SNX25: variants seen among roughly 807,000 people sequenced by gnomAD.
SNX25 encodes sorting nexin 25.
Under a neutral mutation model 113.7 loss-of-function variants are expected in SNX25, and 62 were observed. That is an observed-to-expected ratio of 0.55 (90% CI 0.44 to 0.67). SNX25 has a LOEUF of 0.67. Among genes scored for constraint, SNX25 ranks in the 30% least tolerant of loss-of-function variants. SNX25 has a pLI of 0.00. For missense variants in SNX25, 1,014 were observed against 1,161.0 expected (o/e 0.87, Z 1.84); for synonymous variants, 421 against 436.2 (o/e 0.97, Z 0.43).
At chr4:185,226,458 GTTGT>G (rs202152770) in intron 1 of SNX25, among the ~76,000 whole-genome samples, 1,952 of 152,264 alleles carry the variant, frequency 0.013, 27 homozygotes, top group Middle Eastern at 0.031. Context: ...ATTTTTTGTT[GTTGT>G]TTGTTTGAGA....
At chr4:185,328,974 AAAGGGGTTTCCAAGG>A (rs776477516) in intron 9 of SNX25, among the ~76,000 whole-genome samples, 1 of 152,118 alleles carries the variant, frequency 6.6e-6, no homozygotes, top group African/African-American at 2.4e-5. Flanking sequence ...TGCAGGCTCA[AAAGGGGTTTCCAAGG>A]AAGGGGTTTC....
intron 2 of SNX25, among the ~76,000 whole-genome samples, chr4:185,256,488 AATACC>A (rs1746445750): frequency 6.6e-6 from 1 of 152,162 alleles, no homozygotes; most frequent in South Asian, 2.1e-4. Context: ...ATAGAATATT[AATACC>A]AAAATTGTGC....
In SNX25 at chr4:185,232,516, A is replaced by G. The variant is rs2126414779; in HGVS notation, c.430-14778A>G. Among the ~76,000 whole-genome samples, 1 of 152,270 alleles carries G rather than the reference A, an allele frequency of 6.6e-6. No individual in the cohort carries two copies. ...CCACAGGCCGGATACCAGTACTTAGATTTATCATGCTTCAAAAATGGACCA... is the reference window on the plus strand; with the variant it reads ...CCACAGGCCGGATACCAGTACTTAGGTTTATCATGCTTCAAAAATGGACCA... On this transcript the variant is annotated intron_variant, in intron 1 of 18. Transcript: ENST00000652585. This position sits in a 1 kb window ranked among gnomAD's most constrained non-coding sequence, Gnocchi z 4.4.
At chr4:185,262,805 A>G (rs1315310456) in intron 3 of SNX25, among the ~76,000 whole-genome samples, 1 of 152,198 alleles carries the variant, frequency 6.6e-6, no homozygotes, top group Non-Finnish European at 1.5e-5. Flanking sequence ...CAAACAAATG[A>G]TTGATCCACA....
At chr4:185,319,513 C>CTTTT (rs61536964) in intron 7 of SNX25, among the ~76,000 whole-genome samples, 8 of 142,994 alleles carry the variant, frequency 5.6e-5, no homozygotes, top group East Asian at 2.0e-4. Context: ...AAAGTCCATT[C>CTTTT]TTTTTTTTTT....
At position 185,264,524 on chromosome 4, in the gene SNX25, G is replaced by A. The variant is rs1350522742; in HGVS notation, c.818G>A (p.Arg273Gln). 8 of 1,613,842 alleles carry A rather than the reference G, an allele frequency of 5.0e-6. No homozygotes were observed. The South Asian group carries it at 5.5e-5, about 11-fold the overall frequency. Residue 273 changes from arginine (R) to glutamine (Q), a missense_variant, in exon 4 of 19, where the codon CGG (arginine) becomes CAG (glutamine). Arg to Gln is a conservative substitution (Grantham distance 43). Transcript: ENST00000652585. The part of the protein sequence containing the change: ...DEVRFLQTCS[R>Q]VLVFCLLPSK... ...GTAAGATTTCTACAAACGTGTTCTCGGGTTCTGGTGTTTTGTCTCCTCCCC... is the reference window on the plus strand; with the variant it reads ...GTAAGATTTCTACAAACGTGTTCTCAGGTTCTGGTGTTTTGTCTCCTCCCC...
intron 1 of SNX25, among the ~76,000 whole-genome samples, chr4:185,238,236 G>A (rs182887165): frequency 6.6e-6 from 1 of 151,924 alleles, no homozygotes; most frequent in Non-Finnish European, 1.5e-5. Context: ...CTAGAGAGGG[G>A]AGTGGCTGGG....
intron 1 of SNX25, among the ~76,000 whole-genome samples, chr4:185,241,101 C>T (rs1412045296): frequency 6.6e-6 from 1 of 151,734 alleles, no homozygotes; most frequent in African/African-American, 2.4e-5. Flanking sequence ...GCTGCAATCT[C>T]GGCACTTTGC....
At chr4:185,314,188 CT>C (rs1158270644) in intron 7 of SNX25, among the ~76,000 whole-genome samples, 1 of 151,900 alleles carries the variant, frequency 6.6e-6, no homozygotes, top group Non-Finnish European at 1.5e-5. Flanking sequence ...GTGATCTAAT[CT>C]TTTAAGAAGC....
At chr4:185,208,100 C>T (rs967649026), upstream of SNX25, among the ~76,000 whole-genome samples, 1 of 152,040 alleles carries the variant, frequency 6.6e-6, no homozygotes, top group Admixed American at 6.5e-5. Flanking sequence ...ATTAATCATA[C>T]TGCTTTATTT....
chr4:185,267,352 G>GT (rs1748262631), intron 5 of SNX25, among the ~76,000 whole-genome samples, 197 bp downstream of exon 5: 1 of 152,026 alleles, frequency 6.6e-6, no homozygotes, highest in Admixed American at 6.6e-5. Flanking sequence ...AAAGTATTAG[G>GT]TTTTTCAAAT....
intron 5 of SNX25, among the ~76,000 whole-genome samples, chr4:185,282,143 G>A (rs1469852969): frequency 6.6e-6 from 1 of 152,012 alleles, no homozygotes; most frequent in Admixed American, 6.6e-5. Context: ...TCGCATACCT[G>A]AGACTAAGGT....
chr4:185,329,681 C>CAGAGAGAG (rs111361928), intron 9 of SNX25, among the ~76,000 whole-genome samples: 1 of 148,922 alleles, frequency 6.7e-6, no homozygotes, highest in African/African-American at 2.5e-5. Flanking sequence ...AAGACAGACA[C>CAGAGAGAG]AGAGAGAGAG....
intron 5 of SNX25, among the ~76,000 whole-genome samples, chr4:185,274,242 G>A (rs956822517): frequency 6.6e-6 from 1 of 152,044 alleles, no homozygotes; most frequent in Non-Finnish European, 1.5e-5. Flanking sequence ...TGTATCTTTA[G>A]TAGAGACAGG....
chr4:185,283,636 G>T (rs1433297924), intron 5 of SNX25, among the ~76,000 whole-genome samples: 1 of 152,180 alleles, frequency 6.6e-6, no homozygotes, highest in African/African-American at 2.4e-5. Context: ...CAGAAAAATG[G>T]TTAGAGCATG....
intron 2 of SNX25, among the ~76,000 whole-genome samples, chr4:185,255,701 G>T (rs1377700635): frequency 6.6e-6 from 1 of 152,152 alleles, no homozygotes; most frequent in Non-Finnish European, 1.5e-5. Context: ...GTTCACCTAT[G>T]TGCAGGACTA....
At chr4:185,354,797 T>C (rs961959209) in intron 15 of SNX25, among the ~76,000 whole-genome samples, 1 of 152,224 alleles carries the variant, frequency 6.6e-6, no homozygotes, top group Admixed American at 6.5e-5. Flanking sequence ...TTGACACCAG[T>C]AGACTTTGTC....
At chr4:185,250,997 G>T (rs1745548670) in intron 2 of SNX25, among the ~76,000 whole-genome samples, 1 of 149,618 alleles carries the variant, frequency 6.7e-6, no homozygotes, top group Non-Finnish European at 1.5e-5. Flanking sequence ...ATGTTTTGTT[G>T]TGTGTGTGTG....
At position 185,310,942 on chromosome 4, in the gene SNX25, C is replaced by T. The variant is rs913066255; in HGVS notation, c.1344+126C>T. 10 of 913,654 alleles carry T rather than the reference C, an allele frequency of 1.1e-5. No homozygotes were observed. In the South Asian group the frequency reaches 2.0e-4, roughly 18 times the overall value. 56.6% of individuals were successfully genotyped at this position (913,654 alleles called of 1,614,324 possible). A position where few individuals can be genotyped will look rare whatever the true frequency, so the allele number is the denominator to read the frequency against. ...CATGTGTGCCATAACTACACACTGA[C>T]ATTTGCTCTATGAGTCAAGGAGCTA... On this transcript the variant is annotated intron_variant, in intron 7 of 18. Coordinates refer to ENST00000652585, the MANE Select transcript of SNX25 (RefSeq NM_001378034.2).
Sources: allele counts gnomAD v4.1 joint callset (sites outside exome capture counted in the v4.1 genomes callset), GRCh38; gene constraint gnomAD v4.1.1; non-coding constraint Gnocchi (gnomAD v3.1); transcripts MANE v1.5; gene names NCBI Gene and HGNC (gene_info 2026-07-23, HGNC 2026-07-21).